The following RGMB variants were observed in gnomAD, a reference collection of about 807,000 sequenced individuals.
RGMB encodes the protein repulsive guidance molecule BMP co-receptor b.
RGMB carries 16 observed loss-of-function variants against 26.9 expected under a neutral mutation model. That is an observed-to-expected ratio of 0.60 (90% confidence interval 0.40 to 0.90). The LOEUF (loss-of-function observed/expected upper bound fraction) is 0.90, where lower values mean the gene tolerates loss of function less well. Among genes scored for constraint, RGMB ranks in the 40% least tolerant of loss-of-function variants. The pLI is 0.00. For missense variants in RGMB, 512 were observed against 573.3 expected (o/e 0.89, Z 1.09); for synonymous variants, 225 against 229.3 (o/e 0.98, Z 0.17).
At chr5:98,785,793 A>AT (rs1227611431) in intron 2 of RGMB, among the ~76,000 whole-genome samples, 1 of 152,228 alleles carries the variant, frequency 6.6e-6, no homozygotes, top group Non-Finnish European at 1.5e-5. Context: ...ATATTGAAAC[A>AT]TTAAAAGCCA....
At chr5:98,791,988 A>G (rs1285620076) in intron 2 of RGMB, among the ~76,000 whole-genome samples, 1 of 152,178 alleles carries the variant, frequency 6.6e-6, no homozygotes, top group Non-Finnish European at 1.5e-5. Context: ...GGCTGGGAAA[A>G]GATTTCTGAG....
At chr5:98,789,637 A>G (rs977238925) in intron 2 of RGMB, among the ~76,000 whole-genome samples, 2 of 151,946 alleles carry the variant, frequency 1.3e-5, no homozygotes, top group Non-Finnish European at 1.5e-5. Context: ...GTGAAGATCT[A>G]GGAGAGTGAA....
At chr5:98,778,934 C>T (rs1433972491) in intron 1 of RGMB, among the ~76,000 whole-genome samples, 1 of 151,182 alleles carries the variant, frequency 6.6e-6, no homozygotes, top group African/African-American at 2.4e-5. Context: ...AGAGCATTTA[C>T]ATTTTGTAGA....
rs751541667 is a variant in RGMB at position 98,793,401 on chromosome 5, GCA to G, written c.963_964del (p.Ile322ArgfsTer2). ...GTGAACGGCTGCCCCCTGAGTGAAC[GCA>G]TCGATGACGGGCAGGGCCAGGTGTC... is the stretch of plus-strand genomic sequence containing the variant. On this transcript the variant is annotated frameshift_variant, in exon 3 of 3. Transcript: ENST00000513185. LOFTEE classifies it high-confidence loss of function. 1.2e-6 allele frequency: 2 copies of G among 1,612,872 alleles called. No homozygotes were observed. The highest frequency in any genetic ancestry group is 1.7e-6 in the Non-Finnish European group (2 of 1,179,564).
rs373616601 is a variant in RGMB, at chr5:98,793,260, G to T, written c.821G>T (p.Arg274Leu). The change falls in exon 3 of 3, where the codon CGC becomes CTC. Residue 274 changes from arginine to leucine, a missense_variant. By Grantham distance (102) the Arg-to-Leu change is moderately radical. Transcript: ENST00000513185. ...ESGHYVEMHA[R>L]YIGTTVFVRQ... is the part of the protein sequence containing the mutation. ...GGCCACTATGTGGAGATGCACGCCC[G>T]CTATATAGGGACCACAGTGTTTGTG... is the stretch of plus-strand genomic sequence containing the variant. The T allele has an allele frequency of 3.1e-6, 5 of 1,613,852 alleles. No homozygotes were observed. Among genetic ancestry groups the T allele is most frequent in the African/African-American group, 2.7e-5 (2 of 74,934 alleles).
In RGMB at chr5:98,795,847, G is replaced by A. The variant is rs201702768; in HGVS notation, c.*2094G>A. 1 of 152,166 alleles carries A rather than the reference G, an allele frequency of 6.6e-6. No homozygotes were observed. Among genetic ancestry groups the A allele is most frequent in the South Asian group, 2.1e-4 (1 of 4,830 alleles). 9.4% of individuals were successfully genotyped at this position (152,166 alleles called of 1,614,324 possible). ...AATAGAAGAAATTTCTATAGGATCT[G>A]GGTTTAGAGTGTGTATCATTAATAA... On this transcript the variant is annotated 3_prime_UTR_variant, in exon 3 of 3. Transcript: ENST00000513185.
chr5:98,774,718 T>G (rs1746336658), intron 1 of RGMB, among the ~76,000 whole-genome samples: 1 of 152,210 alleles, frequency 6.6e-6, no homozygotes, highest in African/African-American at 2.4e-5. Context: ...GGAGTTAATC[T>G]CGAAGTAACG....
In RGMB at chr5:98,774,034, G is replaced by T. The variant is rs1201621639; in HGVS notation, c.-37G>T. On this transcript the variant is annotated 5_prime_UTR_variant, in exon 1 of 3. Transcript: ENST00000513185. ...GACCCGCCACGGCGCCCGCGCCGCC[G>T]CCCTCGCCGGAGCCCACGAGACCTG... 1.5e-5 allele frequency: 11 copies of T among 733,128 alleles called. No individual in the cohort carries two copies. The highest frequency in any genetic ancestry group is 2.2e-5 in the Non-Finnish European group (10 of 444,958). 45.4% of individuals were successfully genotyped at this position (733,128 alleles called of 1,614,324 possible). A position where few individuals can be genotyped will look rare whatever the true frequency, so the allele number is the denominator to read the frequency against.
In RGMB at chr5:98,779,887, G is replaced by C. The variant is rs1451394351; in HGVS notation, c.444G>C (p.Arg148Ser). 1 of 1,613,956 alleles carries C rather than the reference G, an allele frequency of 6.2e-7. No homozygotes were observed. The highest frequency in any genetic ancestry group is 2.2e-5 in the East Asian group (1 of 44,892). The part of the protein sequence containing the change: ...PCNYHSHAGA[R>S]EHRRGDQNPP... ...ACTATCACAGCCACGCTGGAGCCAG[G>C]GAACACAGGAGAGGGGACCAGAACC... The change falls in exon 2 of 3, where the codon AGG (arginine) becomes AGC (serine). Residue 148 changes from arginine (R) to serine (S), a missense_variant. Coordinates refer to ENST00000513185, the MANE Select transcript of RGMB (RefSeq NM_001366508.1).
intron 1 of RGMB, among the ~76,000 whole-genome samples, chr5:98,777,236 AATAATT>A (rs1173954433): frequency 6.6e-6 from 1 of 152,182 alleles, no homozygotes; most frequent in African/African-American, 2.4e-5. Context: ...GACTATTTGA[AATAATT>A]ATAAAGAAAC....
At chr5:98,786,659 C>T (rs1390480965) in intron 2 of RGMB, among the ~76,000 whole-genome samples, 2 of 152,136 alleles carry the variant, frequency 1.3e-5, no homozygotes, top group Non-Finnish European at 2.9e-5. Context: ...CTTGCTCTTC[C>T]ACTGTTTCGA....
At chr5:98,775,436 G>T (rs1055738943) in intron 1 of RGMB, among the ~76,000 whole-genome samples, 2 of 152,178 alleles carry the variant, frequency 1.3e-5, no homozygotes, top group Non-Finnish European at 2.9e-5. Flanking sequence ...AGTAACCTAA[G>T]AACCTTAGAA....
At chr5:98,774,857 A>G (rs2112338294) in intron 1 of RGMB, among the ~76,000 whole-genome samples, 1 of 152,286 alleles carries the variant, frequency 6.6e-6, no homozygotes, top group South Asian at 2.1e-4. Flanking sequence ...GGGTTGACAG[A>G]TAACCATGCT....
At chr5:98,781,714 C>G (rs935904280) in intron 2 of RGMB, among the ~76,000 whole-genome samples, 8 of 152,152 alleles carry the variant, frequency 5.3e-5, no homozygotes, top group Non-Finnish European at 1.5e-5. Context: ...TACTCATTCT[C>G]TTCACAAGAA....
Position 98,779,591 on chromosome 5 carries a change from C to T in RGMB, c.148C>T (p.Gln50Ter). The part of the protein sequence containing the change: ...LGLLHAGDCQ[Q>*]PAQCRIQKCT... ...CTTCTTTCCCATAGGTGACTGCCAA[C>T]AGCCAGCCCAATGTCGAATCCAGAA... The change falls in exon 2 of 3, where the codon CAG becomes TAG. Residue 50 changes from glutamine (Q) to a stop codon, truncating the protein, a stop_gained. Transcript: ENST00000513185. LOFTEE classifies it high-confidence loss of function. The T allele has an allele frequency of 6.6e-7, 1 of 1,510,490 alleles. No individual in the cohort carries two copies. 93.6% of individuals were successfully genotyped at this position (1,510,490 alleles called of 1,614,324 possible).
intron 2 of RGMB, among the ~76,000 whole-genome samples, chr5:98,783,182 C>A (rs1746662662): frequency 6.6e-6 from 1 of 152,176 alleles, no homozygotes; most frequent in Non-Finnish European, 1.5e-5. Context: ...TTTGGAGGAA[C>A]CTGTGCCAGT....
chr5:98,791,744 C>T (rs569479411), intron 2 of RGMB, among the ~76,000 whole-genome samples: 72 of 152,224 alleles, frequency 4.7e-4, no homozygotes, highest in African/African-American at 1.7e-3. Flanking sequence ...GAAATAGTTT[C>T]TCCATGTTGT....
At chr5:98,772,866 C>A (rs1204910726), upstream of RGMB, 1 of 152,128 alleles carries the variant, frequency 6.6e-6, no homozygotes, top group African/African-American at 2.4e-5. Context: ...GCATAAAAAC[C>A]CACCACTCTC....
At chr5:98,776,027 G>A (rs1746389532) in intron 1 of RGMB, among the ~76,000 whole-genome samples, 1 of 152,178 alleles carries the variant, frequency 6.6e-6, no homozygotes, top group South Asian at 2.1e-4. Context: ...ATCTGCCTCA[G>A]CACCCCATAT....
Sources: gnomAD v4.1 joint callset for allele counts (sites outside exome capture counted in the v4.1 genomes callset) on GRCh38, gnomAD v4.1.1 for gene constraint, MANE v1.5 for transcripts, NCBI Gene and HGNC (gene_info 2026-07-23, HGNC 2026-07-21) for gene names.